The following SAMMSON variants were observed in gnomAD, a reference collection of about 807,000 sequenced individuals.
The protein encoded by SAMMSON is survival associated mitochondrial melanoma specific oncogenic non-coding RNA.
intron 2 of SAMMSON, among the ~76,000 whole-genome samples, chr3:70,433,750 C>A (rs1323499838): frequency 6.6e-6 from 1 of 152,010 alleles, no homozygotes; most frequent in Non-Finnish European, 1.5e-5. Flanking sequence ...TAGATTTCCC[C>A]CCATGTTATG....
At position 70,413,800 on chromosome 3, in the gene SAMMSON, T is replaced by C. The variant is rs965260521; in HGVS notation, n.234-48760T>C. ...AATATGGACAATAGAAAATGAAGTT[T>C]CTTCATGTTTCTAAAATTAGAGGAA... On this transcript the variant is annotated intron_variant and non_coding_transcript_variant, in intron 2 of 3. Coordinates refer to the SAMMSON transcript ENST00000641053. 3.7e-4 allele frequency among the ~76,000 whole-genome samples: 56 copies of C among 152,146 alleles called. 1 individual carries two copies. The highest frequency in any genetic ancestry group is 1.3e-3 in the African/African-American group (55 of 41,454).
chr3:70,031,462 C>A (rs1337168163), intron 3 of SAMMSON, among the ~76,000 whole-genome samples: 5 of 152,008 alleles, frequency 3.3e-5, no homozygotes, highest in African/African-American at 1.2e-4. Flanking sequence ...GGAAATAGAG[C>A]GATGGTTGCA....
chr3:70,262,268 A>G (rs1439897248), intron 6 of SAMMSON, among the ~76,000 whole-genome samples: 2 of 152,214 alleles, frequency 1.3e-5, no homozygotes, highest in East Asian at 3.8e-4. Flanking sequence ...ACAGGCAGTG[A>G]AGCTTCAAAC....
intron 6 of SAMMSON, among the ~76,000 whole-genome samples, chr3:70,287,373 T>C (rs1045691086): frequency 2.2e-3 from 334 of 150,992 alleles, no homozygotes; most frequent in Middle Eastern, 0.01. Context: ...TTGATTTGCA[T>C]ATATTGAACC....
At chr3:70,062,974 T>C (rs2067195978) in intron 3 of SAMMSON, among the ~76,000 whole-genome samples, 1 of 152,086 alleles carries the variant, frequency 6.6e-6, no homozygotes, top group Non-Finnish European at 1.5e-5. Flanking sequence ...TTTTTGAAAA[T>C]GTTGACTTCA....
intron 4 of SAMMSON, among the ~76,000 whole-genome samples, chr3:70,129,405 C>T (rs1225811512): frequency 6.6e-6 from 1 of 152,066 alleles, no homozygotes; most frequent in African/African-American, 2.4e-5. Context: ...ATTAAGTAAA[C>T]ATCAGATAAA....
intron 4 of SAMMSON, among the ~76,000 whole-genome samples, chr3:70,220,886 G>C (rs1701455954): frequency 6.6e-6 from 1 of 152,162 alleles, no homozygotes; most frequent in Non-Finnish European, 1.5e-5. Flanking sequence ...TCAGGGAGGG[G>C]AACCATGCCT....
intron 4 of SAMMSON, among the ~76,000 whole-genome samples, chr3:70,216,339 T>A (rs1189890626): frequency 6.6e-6 from 1 of 151,004 alleles, no homozygotes; most frequent in Non-Finnish European, 1.5e-5. Context: ...ATATATAAAC[T>A]TGTAGTGCTT....
intron 2 of SAMMSON, among the ~76,000 whole-genome samples, chr3:70,401,120 C>T (rs1389379975): frequency 6.6e-6 from 1 of 152,108 alleles, no homozygotes; most frequent in Non-Finnish European, 1.5e-5. Context: ...TCATTTCCTT[C>T]ATTCTTGTTT....
intron 9 of SAMMSON, among the ~76,000 whole-genome samples, chr3:70,379,809 T>A (rs805484): frequency 0.55 from 83,922 of 151,788 alleles, 23,452 homozygotes; most frequent in East Asian, 0.61. Flanking sequence ...GAAAGCGTGT[T>A]ATGCATGCTA....
At chr3:70,149,418 T>C (rs1035846029) in intron 4 of SAMMSON, among the ~76,000 whole-genome samples, 7 of 152,014 alleles carry the variant, frequency 4.6e-5, no homozygotes, top group Non-Finnish European at 8.8e-5. Context: ...CTGTGGTTCT[T>C]AGTTGATGGC....
chr3:70,016,726 C>T (rs1274788636), intron 3 of SAMMSON, among the ~76,000 whole-genome samples: 1 of 152,160 alleles, frequency 6.6e-6, no homozygotes, highest in Non-Finnish European at 1.5e-5. Flanking sequence ...TTAGGTCTAA[C>T]ATGTAAGTCT....
At chr3:70,391,031 A>G (rs750683916), downstream of SAMMSON, among the ~76,000 whole-genome samples, 19 of 152,188 alleles carry the variant, frequency 1.2e-4, no homozygotes, top group Non-Finnish European at 2.4e-4. Context: ...ACCACATTTC[A>G]TCATGGCCAG....
intron 4 of SAMMSON, among the ~76,000 whole-genome samples, chr3:70,105,144 T>A (rs2067362624): frequency 6.6e-6 from 1 of 152,156 alleles, no homozygotes; most frequent in Non-Finnish European, 1.5e-5. Context: ...GTAACCCCAA[T>A]TTTAAAAGAT....
intron 2 of SAMMSON, among the ~76,000 whole-genome samples, chr3:70,418,146 G>A (rs762121249): frequency 3.0e-4 from 46 of 152,196 alleles, no homozygotes; most frequent in Non-Finnish European, 5.1e-4. Flanking sequence ...TTCTGAAGGA[G>A]CCTCTACTTT....
At chr3:70,037,762 C>T (rs1649393309) in intron 3 of SAMMSON, among the ~76,000 whole-genome samples, 1 of 152,322 alleles carries the variant, frequency 6.6e-6, no homozygotes, top group South Asian at 2.1e-4. Context: ...AGCTGGAATA[C>T]ACCCTTAGAT....
At chr3:70,304,103 A>G (rs927324960) in intron 7 of SAMMSON, among the ~76,000 whole-genome samples, 4 of 152,144 alleles carry the variant, frequency 2.6e-5, no homozygotes, top group African/African-American at 9.7e-5. Context: ...ACCAGGGTCT[A>G]TGAAAGGCTC....
At chr3:70,082,952 A>T (rs1226917764) in intron 4 of SAMMSON, among the ~76,000 whole-genome samples, 1 of 152,210 alleles carries the variant, frequency 6.6e-6, no homozygotes, top group East Asian at 1.9e-4. Flanking sequence ...TAAATGATGG[A>T]GCTAGGATTC....
chr3:70,228,651 TGG>T (rs2106742588), intron 4 of SAMMSON, among the ~76,000 whole-genome samples: 1 of 150,952 alleles, frequency 6.6e-6, no homozygotes, highest in East Asian at 1.9e-4. Context: ...TTTTTTAGTG[TGG>T]GGCTAAATGT....
Sources: gnomAD v4.1 joint callset for allele counts (sites outside exome capture counted in the v4.1 genomes callset) on GRCh38, gnomAD v4.1.1 for gene constraint, MANE v1.5 for transcripts, NCBI Gene and HGNC (gene_info 2026-07-23, HGNC 2026-07-21) for gene names.